The following TMEM108 variants were observed in gnomAD, a reference collection of about 807,000 sequenced individuals.
TMEM108 encodes cancer/testis antigen 124.
TMEM108 carries 12 observed loss-of-function variants against 35.1 expected under a neutral mutation model. The ratio of observed to expected loss-of-function variants is 0.34; its 90% CI spans 0.22 to 0.55. TMEM108 has a LOEUF of 0.55. TMEM108 is among the 20% of genes least tolerant of loss of function. The pLI is 0.89. For missense variants in TMEM108, 680 were observed against 753.3 expected, an observed-to-expected ratio of 0.90 and a Z score of 1.14; for synonymous variants, 287 against 308.6, an observed-to-expected ratio of 0.93 and a Z score of 0.73.
At chr3:133,120,220 G>C (rs551309931) in intron 2 of TMEM108, among the ~76,000 whole-genome samples, 1 of 152,160 alleles carries the variant, frequency 6.6e-6, no homozygotes, top group South Asian at 2.1e-4. Flanking sequence ...TTTGTCTTTT[G>C]TGTAGACACC....
chr3:133,385,787 G>A (rs1197304), intron 4 of TMEM108, among the ~76,000 whole-genome samples: 48,813 of 152,138 alleles, frequency 0.32, 8,392 homozygotes, highest in East Asian at 0.42. Flanking sequence ...TTTGTTGGCT[G>A]TAGGACTTAC....
intron 2 of TMEM108, among the ~76,000 whole-genome samples, chr3:133,206,732 C>A (rs779467517): frequency 2.2e-4 from 33 of 152,226 alleles, no homozygotes; most frequent in Admixed American, 7.9e-4. Context: ...TATGAGGTGT[C>A]TGTCGACCCC....
At chr3:133,286,981 C>T (rs769986634) in intron 3 of TMEM108, among the ~76,000 whole-genome samples, 1 of 152,188 alleles carries the variant, frequency 6.6e-6, no homozygotes, top group Non-Finnish European at 1.5e-5. Context: ...CTAGTTTATA[C>T]CCACATTTGA....
chr3:133,381,915 T>C (rs2073024102), intron 4 of TMEM108, among the ~76,000 whole-genome samples: 1 of 152,106 alleles, frequency 6.6e-6, no homozygotes, highest in Non-Finnish European at 1.5e-5. Context: ...TTGTGGACCT[T>C]GTCCTTAGTT....
chr3:133,135,640 G>T (rs1339711784), intron 2 of TMEM108, among the ~76,000 whole-genome samples: 1 of 152,210 alleles, frequency 6.6e-6, no homozygotes, highest in Admixed American at 6.5e-5. Flanking sequence ...TGACTGCATG[G>T]AGAGCCATGA....
chr3:133,232,770 T>C (rs1211700379), intron 3 of TMEM108, among the ~76,000 whole-genome samples: 1 of 152,218 alleles, frequency 6.6e-6, no homozygotes, highest in East Asian at 1.9e-4. Context: ...TACTCAGGAA[T>C]GTGGTACTGA....
intron 2 of TMEM108, among the ~76,000 whole-genome samples, chr3:133,117,748 T>G (rs548185781): frequency 6.6e-6 from 1 of 152,284 alleles, no homozygotes; most frequent in Admixed American, 6.5e-5. Flanking sequence ...TGAAGATTTT[T>G]GGGGTTTGAT....
intron 2 of TMEM108, among the ~76,000 whole-genome samples, chr3:133,205,820 A>G (rs1945744506): frequency 6.6e-6 from 1 of 152,018 alleles, no homozygotes. Context: ...TGCTCTCTGT[A>G]TTTCCTGAAT....
At chr3:133,059,556 A>C (rs1456891656) in intron 2 of TMEM108, among the ~76,000 whole-genome samples, 1 of 152,190 alleles carries the variant, frequency 6.6e-6, no homozygotes, top group Non-Finnish European at 1.5e-5. Flanking sequence ...ACTACTAGGA[A>C]ATGAGAGAGG....
At chr3:133,170,318 C>G (rs770745584) in intron 2 of TMEM108, among the ~76,000 whole-genome samples, 31 of 152,212 alleles carry the variant, frequency 2.0e-4, no homozygotes, top group Non-Finnish European at 3.2e-4. Flanking sequence ...GGAGGCCACC[C>G]AAATGTTTTA....
At chr3:133,063,085 G>A (rs1231993171) in intron 2 of TMEM108, among the ~76,000 whole-genome samples, 2 of 152,206 alleles carry the variant, frequency 1.3e-5, no homozygotes, top group African/African-American at 4.8e-5. Flanking sequence ...TGAAGTTGTG[G>A]TATCAGAGAT....
intron 2 of TMEM108, among the ~76,000 whole-genome samples, chr3:133,165,735 C>T (rs1945027576): frequency 6.6e-6 from 1 of 152,110 alleles, no homozygotes; most frequent in Non-Finnish European, 1.5e-5. Context: ...GGGATAGGAG[C>T]TTTATGTTAA....
chr3:133,218,462 T>G (rs1382729381), intron 2 of TMEM108, among the ~76,000 whole-genome samples: 1 of 152,000 alleles, frequency 6.6e-6, no homozygotes, highest in Non-Finnish European at 1.5e-5. Context: ...CAGTAATGGC[T>G]TCTTTGTCTT....
chr3:133,327,136 G>A (rs1337618106), intron 3 of TMEM108, among the ~76,000 whole-genome samples: 1 of 152,142 alleles, frequency 6.6e-6, no homozygotes, highest in African/African-American at 2.4e-5. Flanking sequence ...AGGATGCTGA[G>A]TGGACAAACA....
chr3:133,177,524 A>G (rs1245931153), intron 2 of TMEM108, among the ~76,000 whole-genome samples: 2 of 152,352 alleles, frequency 1.3e-5, no homozygotes, highest in East Asian at 3.9e-4. Flanking sequence ...ACACAAATCA[A>G]TAAACATAAT....
intron 2 of TMEM108, among the ~76,000 whole-genome samples, chr3:133,086,275 C>G (rs572229069): frequency 6.6e-6 from 1 of 152,092 alleles, no homozygotes; most frequent in Non-Finnish European, 1.5e-5. Context: ...TAGTTCCCTT[C>G]TTACTTAATC....
At chr3:133,328,151 T>A (rs1307905580) in intron 3 of TMEM108, among the ~76,000 whole-genome samples, 1 of 152,182 alleles carries the variant, frequency 6.6e-6, no homozygotes, top group Non-Finnish European at 1.5e-5. Context: ...CAGTTAGATG[T>A]GTGCTTTCCC....
At chr3:133,193,526 C>T (rs1211220927) in intron 2 of TMEM108, among the ~76,000 whole-genome samples, 1 of 152,082 alleles carries the variant, frequency 6.6e-6, no homozygotes, top group East Asian at 1.9e-4. Flanking sequence ...CTTTATGACC[C>T]TGAGTAACCT....
chr3:133,235,778 C>T (rs1946227096), intron 3 of TMEM108, among the ~76,000 whole-genome samples: 2 of 152,164 alleles, frequency 1.3e-5, no homozygotes, highest in South Asian at 2.1e-4. Context: ...CTCACAACAA[C>T]CTTGTAAGGC....
Sources: gnomAD v4.1 joint callset for allele counts (sites outside exome capture counted in the v4.1 genomes callset) on GRCh38, gnomAD v4.1.1 for gene constraint, MANE v1.5 for transcripts, NCBI Gene and HGNC (gene_info 2026-07-23, HGNC 2026-07-21) for gene names.